Variants in NISCH observed in about 807,000 individuals in gnomAD.
NISCH encodes the protein nischarin, also known as I-1 receptor candidate protein.
In NISCH, 55 loss-of-function variants were observed where a neutral mutation model predicts 138.4. That is an observed-to-expected ratio of 0.40 (90% confidence interval 0.32 to 0.50). The LOEUF is 0.50. Ranked by LOEUF, NISCH falls within the 20% of genes least tolerant of loss-of-function variation. NISCH has a pLI of 0.71. For missense variants in NISCH, 1,643 were observed against 2,005.5 expected (o/e 0.82, Z 3.45); for synonymous variants, 860 against 861.5 (o/e 1.00, Z 0.03).
chr3:52,474,216 C>T (rs367781132), intron 7 of NISCH, among the ~76,000 whole-genome samples: 1 of 152,250 alleles, frequency 6.6e-6, no homozygotes, highest in East Asian at 1.9e-4. Flanking sequence ...TGGGGTCAAG[C>T]GATTCTCCTA....
In NISCH at chr3:52,488,101, C is replaced by CG; in HGVS notation, c.2611dup (p.Ala871GlyfsTer29). On this transcript the variant is annotated frameshift_variant, in exon 16 of 21. Transcript: ENST00000345716. LOFTEE classifies it high-confidence loss of function. ...TACAGTGACAAGCGCATGGTGCAGA[C>CG]GGCCGCCGGGGACTACTCAGGCAAC... 6.2e-7 allele frequency: 1 copy of CG among 1,612,924 alleles called. No individual in the cohort carries two copies. Among genetic ancestry groups the CG allele is most frequent in the Non-Finnish European group, 8.5e-7 (1 of 1,179,972 alleles).
chr3:52,480,354 G>A (rs1442024306), intron 13 of NISCH, 59 bp downstream of exon 13: 13 of 1,601,880 alleles, frequency 8.1e-6, no homozygotes, highest in Admixed American at 1.7e-5. Context: ...GGGCCCCCTG[G>A]CTGGGCTGGG....
At chr3:52,484,220 T>G in intron 13 of NISCH, 2 of 350,406 alleles carry the variant, frequency 5.7e-6, no homozygotes, top group Non-Finnish European at 1.1e-5. Flanking sequence ...TTAAAAAATG[T>G]GTCTGTGGAA....
chr3:52,488,626 C>G, intron 16 of NISCH, 21 bp downstream of exon 16: 1 of 1,586,250 alleles, frequency 6.3e-7, no homozygotes, highest in Non-Finnish European at 8.6e-7. Flanking sequence ...GCACAGCTCT[C>G]AGGGGCCCCG....
chr3:52,490,910 G>A, intron 19 of NISCH, 77 bp downstream of exon 19: 2 of 1,581,862 alleles, frequency 1.3e-6, no homozygotes, highest in Non-Finnish European at 1.7e-6. Context: ...TCCGTACGTG[G>A]GTGGGTTATC....
chr3:52,460,025 AC>A lies in NISCH; in HGVS notation c.360+1182del, dbSNP rs1706586766. ...GTGAAACCCTGTCTCTACTAAGAAT[AC>A]AAAAATTAGCTGGGTATGGTGGCAG... is the stretch of plus-strand genomic sequence containing the variant. On this transcript the variant is annotated intron_variant, in intron 3 of 20. Coordinates refer to ENST00000345716, the MANE Select transcript of NISCH (RefSeq NM_007184.4). 2.0e-5 allele frequency among the ~76,000 whole-genome samples: 3 copies of A among 151,520 alleles called. No homozygotes were observed. The East Asian group carries it at 5.9e-4, about 30-fold the overall frequency.
chr3:52,469,177 A>G (rs1279118540), intron 3 of NISCH, among the ~76,000 whole-genome samples: 1 of 151,826 alleles, frequency 6.6e-6, no homozygotes, highest in Non-Finnish European at 1.5e-5. Flanking sequence ...TGTTCCTGTG[A>G]GTTATGAGGA....
At position 52,490,054 on chromosome 3, in the gene NISCH, CAGG is replaced by C; in HGVS notation, c.3457-17_3457-15del. ...CAGGTTGCTAGGGTGGTGGAGCTGA[CAGG>C]AGGCCCCCCGTCTTCAGGTTGAAAA... On this transcript the variant is annotated intron_variant, in intron 17 of 20. Coordinates refer to ENST00000345716, the MANE Select transcript of NISCH (RefSeq NM_007184.4). 2 of 1,612,828 alleles carry C rather than the reference CAGG, an allele frequency of 1.2e-6. No individual in the cohort carries two copies. Among genetic ancestry groups the C allele is most frequent in the Non-Finnish European group, 1.7e-6 (2 of 1,179,648 alleles).
intron 7 of NISCH, among the ~76,000 whole-genome samples, chr3:52,474,617 A>G (rs1375812261): frequency 6.6e-6 from 1 of 152,124 alleles, no homozygotes; most frequent in Non-Finnish European, 1.5e-5. Flanking sequence ...TTTTTAGTAG[A>G]GACAGGGTTT....
chr3:52,471,415 C>T (rs1191136602), intron 4 of NISCH: 4 of 303,194 alleles, frequency 1.3e-5, no homozygotes, highest in African/African-American at 4.4e-5. Context: ...ATCCTGCTTC[C>T]AGGCTCTGCA....
intron 3 of NISCH, among the ~76,000 whole-genome samples, chr3:52,465,157 T>A (rs937997406): frequency 1.2e-4 from 19 of 152,298 alleles, no homozygotes; most frequent in African/African-American, 4.1e-4. Flanking sequence ...TGAGACAGGG[T>A]CTTGCTCTAT....
rs1031685900 is a variant in NISCH, at chr3:52,488,566, G to T, written c.3074G>T (p.Gly1025Val). Residue 1025 changes from glycine to valine, a missense_variant, in exon 16 of 21, where the codon GGC (glycine) becomes GTC (valine). By Grantham distance (109) the Gly-to-Val change is moderately radical. Coordinates refer to ENST00000345716, the MANE Select transcript of NISCH (RefSeq NM_007184.4). Reference sequence around the variant, plus strand: ...CCCGGGACGGGAGGCAGCCCCCAGGGCTCCTTTGCGGATGGCCAGCCTGCC... The same window carrying T: ...CCCGGGACGGGAGGCAGCCCCCAGGTCTCCTTTGCGGATGGCCAGCCTGCC... Reference protein sequence around the residue: ...KTPGTGGSPQGSFADGQPAER... With the variant: ...KTPGTGGSPQVSFADGQPAER... 25 of 1,612,264 alleles carry T rather than the reference G, an allele frequency of 1.6e-5. No individual in the cohort carries two copies. The highest frequency in any genetic ancestry group is 1.9e-5 in the Non-Finnish European group (23 of 1,179,660).
intron 7 of NISCH, chr3:52,475,473 C>G (rs768696826): frequency 2.6e-5 from 4 of 152,204 alleles, no homozygotes; most frequent in Non-Finnish European, 4.4e-5. Context: ...ACAGTGAGGA[C>G]CACATCATCA....
intron 13 of NISCH, chr3:52,480,797 C>G: frequency 6.7e-7 from 1 of 1,483,690 alleles, no homozygotes. Context: ...CCATCTCTGT[C>G]CCTGTGGACC....
rs373709550 is a variant in NISCH at position 52,488,160 on chromosome 3, G to C, written c.2668G>C (p.Val890Leu). ...GGCCAGCTGCACACTCTGTTCAGCC[G>C]TGCGGCGCTCCTGCTGCGCGCCCTC... ...EWASCTLCSAVRRSCCAPSEA... is the reference protein window; with the variant it reads ...EWASCTLCSALRRSCCAPSEA... Residue 890 changes from valine to leucine, a missense_variant, in exon 16 of 21, where the codon GTG becomes CTG. By Grantham distance (32) the Val-to-Leu change is conservative (BLOSUM62 1). Transcript: ENST00000345716. 1 of 1,613,182 alleles carries C rather than the reference G, an allele frequency of 6.2e-7. No individual in the cohort carries two copies. Among genetic ancestry groups the C allele is most frequent in the Non-Finnish European group, 8.5e-7 (1 of 1,179,978 alleles).
At chr3:52,482,513 C>A (rs1707303779) in intron 13 of NISCH, among the ~76,000 whole-genome samples, 1 of 152,194 alleles carries the variant, frequency 6.6e-6, no homozygotes, top group Non-Finnish European at 1.5e-5. Flanking sequence ...AGCTGTGGGA[C>A]CTCAAGCAAC....
intron 3 of NISCH, among the ~76,000 whole-genome samples, chr3:52,463,566 G>A (rs968733036): frequency 1.5e-4 from 23 of 152,076 alleles, no homozygotes; most frequent in Non-Finnish European, 2.4e-4. Flanking sequence ...CGTTTCCATC[G>A]GCAGTGTATA....
At chr3:52,457,758 G>A (rs1578270646) in intron 1 of NISCH, 85 bp from the exon 2 acceptor site, 1 of 981,558 alleles carries the variant, frequency 1.0e-6, no homozygotes, top group Admixed American at 1.7e-5. Context: ...AATTGGGAAA[G>A]ATAATTGCAG....
intron 1 of NISCH, 145 bp downstream of exon 1, chr3:52,455,879 G>A (rs932427071): frequency 5.4e-6 from 3 of 559,462 alleles, no homozygotes; most frequent in African/African-American, 3.9e-5. Flanking sequence ...CTGGGACGGG[G>A]GATCTAGGAA....
Sources: allele counts gnomAD v4.1 joint callset (sites outside exome capture counted in the v4.1 genomes callset), GRCh38; gene constraint gnomAD v4.1.1; transcripts MANE v1.5; gene names NCBI Gene and HGNC (gene_info 2026-07-23, HGNC 2026-07-21).